The following MYCBP2 variants were observed in gnomAD, a reference collection of about 807,000 sequenced individuals.
The protein encoded by MYCBP2 is E3 ubiquitin-protein ligase MYCBP2.
Under a neutral mutation model 525.3 loss-of-function variants are expected in MYCBP2, and 120 were observed. The ratio of observed to expected loss-of-function variants is 0.23; its 90% CI spans 0.20 to 0.27. The LOEUF (loss-of-function observed/expected upper bound fraction) is 0.27. Ranked by LOEUF, MYCBP2 falls within the 10% of genes least tolerant of loss-of-function variation. The probability of loss-of-function intolerance (pLI) is 1.00; values close to 1 mark genes in which losing one functional copy is unlikely to be tolerated. For missense variants in MYCBP2, 4,149 were observed against 5,657.1 expected (o/e 0.73, Z 8.55); for synonymous variants, 1,894 against 1,955.8 (o/e 0.97, Z 0.83).
rs750976107 is a variant in MYCBP2 at position 77,097,683 on chromosome 13, G to C, written c.9471C>G (p.Pro3157=). 3 of 1,613,626 alleles carry C rather than the reference G, an allele frequency of 1.9e-6. No homozygotes were observed. Among genetic ancestry groups the C allele is most frequent in the Non-Finnish European group, 2.5e-6 (3 of 1,179,802 alleles). The part of the protein sequence containing the change: ...HNTMKSKSPL[P]LTLQHLVAFW... ...AAGCCACTAAATGTTGTAAAGTTAAGGGAAGAGGAGACTTAGACTTCATTG... is the reference window on the plus strand; with the variant it reads ...AAGCCACTAAATGTTGTAAAGTTAACGGAAGAGGAGACTTAGACTTCATTG... Residue 3157 remains proline (P), a synonymous_variant, in exon 56 of 83, where the codon CCC becomes CCG. Coordinates refer to ENST00000544440, the MANE Select transcript of MYCBP2 (RefSeq NM_015057.5).
chr13:77,218,399 A>G (rs573013136), intron 20 of MYCBP2, among the ~76,000 whole-genome samples: 2 of 152,332 alleles, frequency 1.3e-5, no homozygotes, highest in South Asian at 2.1e-4. Context: ...TCACTAAGCT[A>G]TAAGTTTAGA....
At chr13:77,201,859 C>T (rs1042459508) in intron 26 of MYCBP2, among the ~76,000 whole-genome samples, 1 of 151,958 alleles carries the variant, frequency 6.6e-6, no homozygotes, top group African/African-American at 2.4e-5. Context: ...AACAAAGACG[C>T]AACATACCAG....
intron 68 of MYCBP2, among the ~76,000 whole-genome samples, chr13:77,073,514 A>G (rs1172814296): frequency 6.6e-6 from 1 of 152,166 alleles, no homozygotes; most frequent in African/African-American, 2.4e-5. Flanking sequence ...ACTTCTATTC[A>G]GCATGGCGCT....
chr13:77,237,981 C>T lies in MYCBP2; in HGVS notation c.2630-4718G>A, dbSNP rs532412300. 6.6e-5 allele frequency among the ~76,000 whole-genome samples: 10 copies of T among 152,230 alleles called. No homozygotes were observed. The South Asian group carries it at 1.0e-3, about 16-fold the overall frequency. ...GCAACATGCCGGACGCGGTGGCTCA[C>T]GCCTGTAATCCCAGCACTTTGGGAG... On this transcript the variant is annotated intron_variant, in intron 17 of 82. Transcript: ENST00000544440.
chr13:77,085,938 C>G (rs886159836), intron 62 of MYCBP2, among the ~76,000 whole-genome samples: 7 of 152,136 alleles, frequency 4.6e-5, no homozygotes, highest in Non-Finnish European at 7.4e-5. Context: ...ATGACAATCT[C>G]ACATTGTAAC....
Position 77,097,627 on chromosome 13 carries a change from T to C in MYCBP2, c.9527A>G (p.Lys3176Arg). The C allele has an allele frequency of 6.2e-7, 1 of 1,613,732 alleles. No homozygotes were observed. The highest frequency in any genetic ancestry group is 8.5e-7 in the Non-Finnish European group (1 of 1,179,800). ...FWEDISLATI[K>R]AASQNMIFPS... is the part of the protein sequence containing the mutation. Reference sequence around the variant, plus strand: ...AAAAATCATATTCTGGGAAGCAGCTTTGATAGTAGCCAAAGAGATGTCTTC... The same window carrying C: ...AAAAATCATATTCTGGGAAGCAGCTCTGATAGTAGCCAAAGAGATGTCTTC... Residue 3176 changes from lysine (K) to arginine (R), a missense_variant, in exon 56 of 83, where the codon AAA (lysine) becomes AGA (arginine). Lys to Arg is a conservative substitution (Grantham distance 26, BLOSUM62 2). Around this residue, in one of 21 missense-constraint regions of MYCBP2, gnomAD observed 653 missense variants for 744.7 expected, o/e 0.88. Transcript: ENST00000544440.
intron 26 of MYCBP2, among the ~76,000 whole-genome samples, chr13:77,196,963 A>G (rs1402065284): frequency 1.3e-5 from 2 of 152,250 alleles, no homozygotes; most frequent in Non-Finnish European, 2.9e-5. Context: ...AGAAGTCAGG[A>G]AGATGATGAG....
At position 77,270,131 on chromosome 13, in the gene MYCBP2, AT is replaced by A; in HGVS notation, c.1189-69del. ...TAATAATCAATGAAAAATAATACAA[AT>A]GGGTGAATGACATTTAATGCATGTA... On this transcript the variant is annotated intron_variant, in intron 6 of 82. Transcript: ENST00000544440. The A allele has an allele frequency of 2.0e-6, 3 of 1,487,174 alleles. No individual in the cohort carries two copies. In the South Asian group the frequency reaches 3.7e-5, roughly 18 times the overall value. 92.1% of individuals were successfully genotyped at this position (1,487,174 alleles called of 1,614,324 possible).
rs1317660191 is a variant in MYCBP2 at position 77,161,935 on chromosome 13, G to A, written c.6568C>T (p.Leu2190Phe). The change falls in exon 44 of 83, where the codon CTT becomes TTT. Residue 2190 changes from leucine to phenylalanine, a missense_variant. By Grantham distance (22) the Leu-to-Phe change is conservative. Around this residue, in one of 21 missense-constraint regions of MYCBP2, gnomAD observed 692 missense variants for 852.7 expected, o/e 0.81. Coordinates refer to ENST00000544440, the MANE Select transcript of MYCBP2 (RefSeq NM_015057.5). ...LPIGNELEED[L>F]EILEEAALQV... ...AATGCAGCCTCCTCAAGAATTTCAA[G>A]GTCTTCTTCTAATTCATTACCTGTT... is the stretch of plus-strand genomic sequence containing the variant. The A allele has an allele frequency of 1.2e-6, 2 of 1,607,154 alleles. No individual in the cohort carries two copies. Among genetic ancestry groups the A allele is most frequent in the South Asian group, 2.2e-5 (2 of 89,772 alleles).
chr13:77,221,983 T>C (rs373580383), intron 20 of MYCBP2, among the ~76,000 whole-genome samples: 2 of 152,218 alleles, frequency 1.3e-5, no homozygotes, highest in African/African-American at 2.4e-5. Flanking sequence ...ACCATGTTAA[T>C]AGTTGTTATA....
chr13:77,105,625 A>C (rs1332366470), intron 55 of MYCBP2, among the ~76,000 whole-genome samples: 1 of 152,044 alleles, frequency 6.6e-6, no homozygotes, highest in South Asian at 2.1e-4. Flanking sequence ...AAAGAAAAAA[A>C]GTTGATAGAT....
At chr13:77,169,395 CAAAAAAAAAAAA>C (rs371575329) in intron 39 of MYCBP2, among the ~76,000 whole-genome samples, 2 of 33,812 alleles carry the variant, frequency 5.9e-5, no homozygotes, top group Non-Finnish European at 6.4e-5. Context: ...GACTCCGTCT[CAAAAAAAAAAAA>C]AAAAAAAAAG....
intron 1 of MYCBP2, among the ~76,000 whole-genome samples, chr13:77,320,299 C>A (rs1272433742): frequency 6.6e-6 from 1 of 152,066 alleles, no homozygotes; most frequent in South Asian, 2.1e-4. Context: ...AAAGCGGGAT[C>A]TGAAAGCCTA....
chr13:77,144,968 C>T (rs2055288123), intron 48 of MYCBP2, among the ~76,000 whole-genome samples: 1 of 152,196 alleles, frequency 6.6e-6, no homozygotes, highest in Admixed American at 6.5e-5. Flanking sequence ...GCTGCAATCA[C>T]CTTGTTCTCT....
At chr13:77,280,667 T>C (rs1284447273) in intron 3 of MYCBP2, among the ~76,000 whole-genome samples, 10 of 152,196 alleles carry the variant, frequency 6.6e-5, no homozygotes, top group Non-Finnish European at 1.0e-4. Context: ...GACTGCCTAA[T>C]GAACAGGTTC....
intron 30 of MYCBP2, among the ~76,000 whole-genome samples, chr13:77,186,301 AAAC>A (rs2060708337): frequency 6.6e-6 from 1 of 152,224 alleles, no homozygotes; most frequent in Non-Finnish European, 1.5e-5. Flanking sequence ...GCATTTCTAA[AAAC>A]AACATTCTTC....
intron 63 of MYCBP2, 88 bp downstream of exon 63, chr13:77,082,944 A>C: frequency 1.5e-6 from 2 of 1,321,974 alleles, no homozygotes; most frequent in Non-Finnish European, 2.1e-6. Context: ...TTACTATTTA[A>C]AGAGCTTTTT....
In MYCBP2 at chr13:77,251,230, C is replaced by T. The variant is rs1487946583; in HGVS notation, c.2302G>A (p.Val768Ile). Residue 768 changes from valine (V) to isoleucine (I), a missense_variant, in exon 15 of 83, where the codon GTT (valine) becomes ATT (isoleucine). By Grantham distance (29) the Val-to-Ile change is conservative. Around this residue, in one of 21 missense-constraint regions of MYCBP2, gnomAD observed 620 missense variants for 795.5 expected, o/e 0.78. Transcript: ENST00000544440. ...MHKWKLEQCM[V>I]CTVCGDCTGY... ...GTACAGTCTCCACAGACAGTGCAAA[C>T]CATGCACTGCTCCAGCTTCCATTTG... The T allele has an allele frequency of 1.2e-6, 2 of 1,614,192 alleles. No homozygotes were observed. Among genetic ancestry groups the T allele is most frequent in the Admixed American group, 1.7e-5 (1 of 60,028 alleles).
At chr13:77,165,805 AAAG>A (rs750427150) in intron 41 of MYCBP2, among the ~76,000 whole-genome samples, 2 of 152,198 alleles carry the variant, frequency 1.3e-5, no homozygotes, top group Non-Finnish European at 2.9e-5. Context: ...GTCAGAGTGG[AAAG>A]AAGAAGTTTC....
Sources: allele counts gnomAD v4.1 joint callset (sites outside exome capture counted in the v4.1 genomes callset), GRCh38; gene constraint gnomAD v4.1.1; regional missense constraint gnomAD v4.1.1; transcripts MANE v1.5; gene names NCBI Gene and HGNC (gene_info 2026-07-23, HGNC 2026-07-21).